Variants in ERC2 observed in about 807,000 individuals in gnomAD.
ERC2 encodes ELKS/RAB6-interacting/CAST family member 2, also known as ERC protein 2.
ERC2 carries 42 observed loss-of-function variants against 114.8 expected under a neutral mutation model. The ratio of observed to expected loss-of-function variants is 0.37; its 90% confidence interval spans 0.29 to 0.47. The LOEUF (loss-of-function observed/expected upper bound fraction) is 0.47, where lower values mean the gene tolerates loss of function less well. Among genes scored for constraint, ERC2 ranks in the 20% least tolerant of loss-of-function variants. ERC2 has a pLI of 0.99. For synonymous variants in ERC2, 454 were observed against 425.5 expected, an observed-to-expected ratio of 1.07 and a Z score of -0.82; for missense variants, 939 against 1,150.7, an observed-to-expected ratio of 0.82 and a Z score of 2.66.
intron 16 of ERC2, among the ~76,000 whole-genome samples, chr3:55,691,631 A>G (rs377528225): frequency 1.4e-5 from 2 of 143,816 alleles, no homozygotes; most frequent in Admixed American, 1.4e-4. Context: ...AGCTTTAGAC[A>G]TACTAGCTTG....
intron 14 of ERC2, among the ~76,000 whole-genome samples, chr3:55,807,753 A>G (rs1393820771): frequency 6.6e-6 from 1 of 152,166 alleles, no homozygotes; most frequent in East Asian, 1.9e-4. Context: ...TTCCTTTGGA[A>G]TTGTTAGGAG....
At chr3:55,722,616 G>A (rs1471706443) in intron 15 of ERC2, among the ~76,000 whole-genome samples, 1 of 152,110 alleles carries the variant, frequency 6.6e-6, no homozygotes, top group African/African-American at 2.4e-5. Flanking sequence ...GCAGGGAATT[G>A]TCTGTTTTGT....
intron 2 of ERC2, among the ~76,000 whole-genome samples, chr3:56,303,841 G>T (rs983281168): frequency 6.6e-6 from 1 of 152,222 alleles, no homozygotes; most frequent in African/African-American, 2.4e-5. Flanking sequence ...AAGGGGGACA[G>T]GCAGTGGGTG....
chr3:56,209,898 G>C (rs1040944896), intron 3 of ERC2, among the ~76,000 whole-genome samples: 1 of 152,130 alleles, frequency 6.6e-6, no homozygotes, highest in Non-Finnish European at 1.5e-5. Context: ...TTGCTTTGTG[G>C]AGTTGAGAGA....
intron 15 of ERC2, among the ~76,000 whole-genome samples, chr3:55,721,056 T>C (rs2064519715): frequency 6.6e-6 from 1 of 152,228 alleles, no homozygotes; most frequent in Non-Finnish European, 1.5e-5. Flanking sequence ...TTTGGAGCTT[T>C]CCTTCTTCAC....
At chr3:56,409,293 A>C (rs537152074) in intron 2 of ERC2, among the ~76,000 whole-genome samples, 2 of 152,166 alleles carry the variant, frequency 1.3e-5, no homozygotes, top group Non-Finnish European at 2.9e-5. Flanking sequence ...TATTTAAAAA[A>C]ATATAATCAA....
At chr3:56,065,436 G>GC (rs1326059900) in intron 7 of ERC2, among the ~76,000 whole-genome samples, 1 of 151,458 alleles carries the variant, frequency 6.6e-6, no homozygotes, top group Non-Finnish European at 1.5e-5. Context: ...TCCCCGGGCT[G>GC]CTCTCAAATT....
chr3:55,839,363 C>A (rs1430863657), intron 14 of ERC2, among the ~76,000 whole-genome samples: 1 of 151,520 alleles, frequency 6.6e-6, no homozygotes, highest in Non-Finnish European at 1.5e-5. Context: ...AATGTAATAC[C>A]AAACGGATAT....
intron 14 of ERC2, among the ~76,000 whole-genome samples, chr3:55,848,404 G>A (rs1005378498): frequency 6.6e-6 from 1 of 152,180 alleles, no homozygotes; most frequent in African/African-American, 2.4e-5. Flanking sequence ...ACTTATGCCT[G>A]TGTTTTCTAC....
intron 12 of ERC2, among the ~76,000 whole-genome samples, chr3:55,955,602 T>C (rs1198017084): frequency 2.6e-5 from 4 of 152,354 alleles, no homozygotes; most frequent in African/African-American, 9.6e-5. Flanking sequence ...TACTATTCCA[T>C]TATATGAATA....
intron 17 of ERC2, among the ~76,000 whole-genome samples, chr3:55,636,676 A>T (rs2059969520): frequency 6.6e-6 from 1 of 152,206 alleles, no homozygotes; most frequent in Non-Finnish European, 1.5e-5. Context: ...TTTCTGTCGC[A>T]ACTATTTACC....
chr3:55,941,261 C>G (rs1179368295), intron 13 of ERC2, among the ~76,000 whole-genome samples: 3 of 152,112 alleles, frequency 2.0e-5, no homozygotes, highest in Non-Finnish European at 4.4e-5. Flanking sequence ...GAGGGTGCAA[C>G]AGACACATCA....
chr3:56,049,818 ATGTGTGTGTGTGTGTGTGTGTG>A (rs3052672), intron 7 of ERC2, among the ~76,000 whole-genome samples: 2 of 145,208 alleles, frequency 1.4e-5, no homozygotes, highest in East Asian at 2.1e-4. Flanking sequence ...CCCATCATAT[ATGTGTGTGTGTGTGTGTGTGTG>A]TGTGTGTGTG....
intron 3 of ERC2, among the ~76,000 whole-genome samples, chr3:56,249,961 G>C (rs755878999): frequency 6.8e-6 from 1 of 146,198 alleles, no homozygotes; most frequent in African/African-American, 2.5e-5. Context: ...GGGTTCAAGC[G>C]ATTCTCCTGC....
At chr3:56,105,513 G>C (rs2078605607) in intron 6 of ERC2, among the ~76,000 whole-genome samples, 1 of 151,964 alleles carries the variant, frequency 6.6e-6, no homozygotes, top group Admixed American at 6.6e-5. Flanking sequence ...ATGGGGTCTT[G>C]CTACATTGCC....
chr3:56,327,194 C>A (rs889195727), intron 2 of ERC2, among the ~76,000 whole-genome samples: 14 of 152,224 alleles, frequency 9.2e-5, no homozygotes, highest in African/African-American at 3.4e-4. Context: ...TTGATTGACT[C>A]ACAGTTTAGC....
At chr3:55,636,493 C>G (rs1382068516) in intron 17 of ERC2, among the ~76,000 whole-genome samples, 1 of 152,170 alleles carries the variant, frequency 6.6e-6, no homozygotes, top group Non-Finnish European at 1.5e-5. Flanking sequence ...GGGCTTGGCA[C>G]AGTGCATAGA....
intron 6 of ERC2, among the ~76,000 whole-genome samples, chr3:56,102,446 G>A (rs541360156): frequency 6.6e-6 from 1 of 152,212 alleles, no homozygotes; most frequent in African/African-American, 2.4e-5. Context: ...CACGGGGTGA[G>A]AACAGAAAAC....
chr3:56,297,519 G>A (rs2055530764), intron 2 of ERC2, among the ~76,000 whole-genome samples: 1 of 152,234 alleles, frequency 6.6e-6, no homozygotes, highest in Non-Finnish European at 1.5e-5. Flanking sequence ...CTTGAAGATA[G>A]TTGATGAATT....
Sources: gnomAD v4.1 joint callset for allele counts (sites outside exome capture counted in the v4.1 genomes callset) on GRCh38, gnomAD v4.1.1 for gene constraint, MANE v1.5 for transcripts, NCBI Gene and HGNC (gene_info 2026-07-23, HGNC 2026-07-21) for gene names.